CYP39A1: variants seen among roughly 807,000 people sequenced by gnomAD.
CYP39A1 encodes the protein 24-hydroxycholesterol 7-alpha-hydroxylase.
A neutral mutation model predicts 58.1 loss-of-function variants in CYP39A1; 49 were observed. The ratio of observed to expected loss-of-function variants is 0.84; its 90% confidence interval spans 0.67 to 1.07. The LOEUF (loss-of-function observed/expected upper bound fraction) is 1.07. Ranked by LOEUF, CYP39A1 falls within the 50% of genes least tolerant of loss-of-function variation. The pLI, the probability that CYP39A1 is intolerant of heterozygous loss-of-function variation, is 0.00. For synonymous variants in CYP39A1, 209 were observed against 187.6 expected (o/e 1.11, Z -0.93); for missense variants, 531 against 539.4 (o/e 0.98, Z 0.16).
At chr6:46,646,068 GAC>G (rs1762302611) in intron 1 of CYP39A1, among the ~76,000 whole-genome samples, 1 of 151,954 alleles carries the variant, frequency 6.6e-6, no homozygotes, top group Non-Finnish European at 1.5e-5. Flanking sequence ...TGCAAATTAA[GAC>G]AGTTTTATTT....
chr6:46,648,328 A>C lies in CYP39A1; in HGVS notation c.177+4078T>G, dbSNP rs1482656717. ...ACATATACACCATGGAATACTATGC[A>C]GCCATAAAAAAGGATGAGTTCATGT... is the stretch of plus-strand genomic sequence containing the variant. On this transcript the variant is annotated intron_variant, in intron 1 of 11. Transcript: ENST00000275016. 2.0e-5 allele frequency among the ~76,000 whole-genome samples: 3 copies of C among 152,188 alleles called. No individual in the cohort carries two copies. In the East Asian group the frequency reaches 5.8e-4, roughly 29 times the overall value.
intron 7 of CYP39A1, among the ~76,000 whole-genome samples, chr6:46,605,288 G>A (rs1053044076): frequency 4.6e-5 from 7 of 152,268 alleles, no homozygotes; most frequent in Admixed American, 4.6e-4. Flanking sequence ...AAGGCAACTG[G>A]GGCTGCCAGT....
intron 10 of CYP39A1, chr6:46,586,327 A>T: frequency 1.0e-6 from 1 of 984,156 alleles, no homozygotes. Context: ...ATTTTGTCAT[A>T]AACAGGTACT....
At chr6:46,601,665 CTAT>C (rs3085597) in intron 7 of CYP39A1, among the ~76,000 whole-genome samples, 5,957 of 145,304 alleles carry the variant, frequency 0.041, 161 homozygotes, top group African/African-American at 0.078. Flanking sequence ...CTCAGGTTAC[CTAT>C]TATTATTATT....
Position 46,588,148 on chromosome 6 carries a change from CT to C in CYP39A1, c.1066-20del. 6.8e-7 allele frequency: 1 copy of C among 1,470,008 alleles called. No individual in the cohort carries two copies. The highest frequency in any genetic ancestry group is 2.3e-5 in the East Asian group (1 of 42,608). 91.1% of individuals were successfully genotyped at this position (1,470,008 alleles called of 1,614,324 possible). A position where few individuals can be genotyped will look rare whatever the true frequency, so the allele number is the denominator to read the frequency against. Reference sequence around the variant, plus strand: ...TGTAATTCTATAACAGAAAAATCAGCTGCAAATCATTTTTTTGAAATATACT... The same window carrying C: ...TGTAATTCTATAACAGAAAAATCAGCGCAAATCATTTTTTTGAAATATACT... On this transcript the variant is annotated intron_variant, in intron 8 of 11. Transcript: ENST00000275016.
intron 10 of CYP39A1, among the ~76,000 whole-genome samples, chr6:46,563,133 CT>C (rs1172453540): frequency 4.8e-5 from 7 of 147,078 alleles, no homozygotes; most frequent in Non-Finnish European, 1.0e-4. Context: ...AAAAAAAATA[CT>C]GTTTTTTAAA....
chr6:46,583,479 T>C (rs1772270091), intron 10 of CYP39A1: 3 of 985,372 alleles, frequency 3.0e-6, no homozygotes, highest in Non-Finnish European at 3.6e-6. Context: ...TTAAATCGTA[T>C]AGTTTAATGT....
At chr6:46,554,776 C>T (rs1402815287) in intron 10 of CYP39A1, among the ~76,000 whole-genome samples, 2 of 152,050 alleles carry the variant, frequency 1.3e-5, no homozygotes, top group Non-Finnish European at 2.9e-5. Context: ...AAATCCTCTC[C>T]ATCACCCTCC....
rs75956116 is a variant in CYP39A1 at position 46,597,230 on chromosome 6, C to T, written c.932-1110G>A. On this transcript the variant is annotated intron_variant, in intron 7 of 11. Transcript: ENST00000275016. Reference sequence around the variant, plus strand: ...CAATCTGACAGATTCTTAAGTACCACGTAGGGACCAGGAGCTGAGACAGGC... The same window carrying T: ...CAATCTGACAGATTCTTAAGTACCATGTAGGGACCAGGAGCTGAGACAGGC... 4.6e-3 allele frequency among the ~76,000 whole-genome samples: 705 copies of T among 152,142 alleles called. 6 individuals carry two copies. The highest frequency in any genetic ancestry group is 0.015 in the African/African-American group (620 of 41,542).
At chr6:46,627,168 A>C (rs1775362121) in intron 6 of CYP39A1, among the ~76,000 whole-genome samples, 1 of 152,108 alleles carries the variant, frequency 6.6e-6, no homozygotes. Context: ...CCTGGGGAAA[A>C]CTGTCCCCAT....
chr6:46,631,200 G>T, intron 5 of CYP39A1, 130 bp from the exon 6 acceptor site: 2 of 737,054 alleles, frequency 2.7e-6, no homozygotes, highest in South Asian at 3.5e-5. Flanking sequence ...TTTGCAGTTT[G>T]AGGCATGTGA....
chr6:46,568,282 A>G (rs146619132), intron 10 of CYP39A1, among the ~76,000 whole-genome samples: 1 of 152,182 alleles, frequency 6.6e-6, no homozygotes, highest in East Asian at 1.9e-4. Context: ...GAAGTTCTCT[A>G]TGCATAATGG....
chr6:46,609,698 T>C (rs1464791467), intron 7 of CYP39A1, among the ~76,000 whole-genome samples: 1 of 152,152 alleles, frequency 6.6e-6, no homozygotes, highest in African/African-American at 2.4e-5. Context: ...CACACAAGGC[T>C]TGTGCTATCA....
intron 7 of CYP39A1, among the ~76,000 whole-genome samples, chr6:46,610,731 G>T (rs114155590): frequency 0.015 from 2,336 of 152,142 alleles, 61 homozygotes; most frequent in African/African-American, 0.05. Context: ...CCCAAAAATG[G>T]AATTCTCATT....
At chr6:46,565,044 T>G (rs532806466) in intron 10 of CYP39A1, among the ~76,000 whole-genome samples, 54 of 152,278 alleles carry the variant, frequency 3.5e-4, no homozygotes, top group Non-Finnish European at 2.1e-4. Flanking sequence ...TGCATCAGAA[T>G]CATCTGGAGG....
intron 7 of CYP39A1, among the ~76,000 whole-genome samples, chr6:46,616,252 C>T (rs1159212147): frequency 1.1e-5 from 1 of 87,826 alleles, no homozygotes; most frequent in Non-Finnish European, 2.2e-5. Flanking sequence ...CCCTTCCTTC[C>T]TTCCTTTCTT....
chr6:46,611,827 C>CT (rs1333377420), intron 7 of CYP39A1, among the ~76,000 whole-genome samples: 1 of 152,032 alleles, frequency 6.6e-6, no homozygotes, highest in East Asian at 1.9e-4. Context: ...TGTACTGAGT[C>CT]TGAGTCCAAA....
chr6:46,635,751 C>G (rs530761166), intron 5 of CYP39A1, among the ~76,000 whole-genome samples: 93 of 152,038 alleles, frequency 6.1e-4, no homozygotes, highest in African/African-American at 2.2e-3. Context: ...TTTGTAGAGA[C>G]CAGGTCTTGC....
chr6:46,614,058 A>C (rs955172922), intron 7 of CYP39A1, among the ~76,000 whole-genome samples: 1 of 151,972 alleles, frequency 6.6e-6, no homozygotes, highest in Admixed American at 6.6e-5. Flanking sequence ...TCCTTAAACA[A>C]ATTAAAATGT....
Sources: gnomAD v4.1 joint callset for allele counts (sites outside exome capture counted in the v4.1 genomes callset) on GRCh38, gnomAD v4.1.1 for gene constraint, MANE v1.5 for transcripts, NCBI Gene and HGNC (gene_info 2026-07-23, HGNC 2026-07-21) for gene names.